KLF13: variants seen among roughly 807,000 people sequenced by gnomAD.
KLF13 encodes the protein KLF transcription factor 13.
KLF13 carries 8 observed loss-of-function variants against 16.7 expected under a neutral mutation model. That is an observed-to-expected ratio of 0.48 (90% confidence interval 0.28 to 0.87). KLF13 has a LOEUF of 0.87. KLF13 is among the 40% of genes least tolerant of loss of function. The probability of loss-of-function intolerance (pLI) is 0.10; values close to 1 mark genes in which losing one functional copy is unlikely to be tolerated. For missense variants in KLF13, 447 were observed against 452.2 expected (o/e 0.99, Z 0.10); for synonymous variants, 245 against 208.4 (o/e 1.18, Z -1.51).
chr15:31,401,750 G>A (rs1030314678), intron 2 of KLF13, among the ~76,000 whole-genome samples: 2 of 152,192 alleles, frequency 1.3e-5, no homozygotes, highest in African/African-American at 2.4e-5. Context: ...GGACCTGAAC[G>A]CAGCAGTGCA....
At chr15:31,329,814 G>T (rs2038795177) in intron 1 of KLF13, among the ~76,000 whole-genome samples, 1 of 152,196 alleles carries the variant, frequency 6.6e-6, no homozygotes, top group South Asian at 2.1e-4. Flanking sequence ...CCTACCTCCA[G>T]GGTGGAAGCC....
intron 1 of KLF13, among the ~76,000 whole-genome samples, chr15:31,421,372 A>G (rs1365287880): frequency 6.6e-6 from 1 of 152,242 alleles, no homozygotes; most frequent in Non-Finnish European, 1.5e-5. Context: ...ACAGAATTGT[A>G]TAATATTCTA....
At chr15:31,403,088 C>T (rs972394183) in intron 2 of KLF13, among the ~76,000 whole-genome samples, 3 of 152,158 alleles carry the variant, frequency 2.0e-5, no homozygotes, top group African/African-American at 7.2e-5. Flanking sequence ...CTCTACGGCT[C>T]GATTGCCAGT....
At chr15:31,328,072 C>T (rs1472607986) in intron 1 of KLF13, among the ~76,000 whole-genome samples, 7 of 149,360 alleles carry the variant, frequency 4.7e-5, no homozygotes, top group South Asian at 4.2e-4. Context: ...CGGATATAGT[C>T]ATCTGGGCTG....
chr15:31,346,594 C>T (rs971229132), intron 1 of KLF13, among the ~76,000 whole-genome samples: 1 of 152,264 alleles, frequency 6.6e-6, no homozygotes, highest in African/African-American at 2.4e-5. Flanking sequence ...TTTCTCAGGA[C>T]ATGAGGCGTC....
intron 1 of KLF13, among the ~76,000 whole-genome samples, chr15:31,331,990 G>C (rs1459726198): frequency 6.6e-6 from 1 of 152,212 alleles, no homozygotes; most frequent in Admixed American, 6.5e-5. Context: ...CCAAGATGTG[G>C]TTATATGGCT....
At chr15:31,412,387 A>G (rs1219492438) in intron 1 of KLF13, among the ~76,000 whole-genome samples, 1 of 152,192 alleles carries the variant, frequency 6.6e-6, no homozygotes, top group Non-Finnish European at 1.5e-5. Context: ...GACAAGACAT[A>G]AAATATCGTA....
chr15:31,345,583 G>C (rs1008987995), intron 1 of KLF13, among the ~76,000 whole-genome samples: 7 of 152,198 alleles, frequency 4.6e-5, no homozygotes, highest in Non-Finnish European at 7.4e-5. Flanking sequence ...TGAGTATGAG[G>C]GTGGGACGGA....
intron 1 of KLF13, among the ~76,000 whole-genome samples, chr15:31,383,675 C>T (rs1278013613): frequency 2.0e-5 from 3 of 152,198 alleles, no homozygotes; most frequent in Non-Finnish European, 4.4e-5. Flanking sequence ...CCAAGGCGGG[C>T]AGATCACGAG....
intron 1 of KLF13, among the ~76,000 whole-genome samples, chr15:31,411,868 C>CA (rs1342070252): frequency 6.6e-6 from 1 of 151,996 alleles, no homozygotes; most frequent in Non-Finnish European, 1.5e-5. Context: ...CAGGTAGGTA[C>CA]AAAAAACCAA....
intron 1 of KLF13, among the ~76,000 whole-genome samples, chr15:31,423,170 TATATACATATATAC>T (rs2040363938): frequency 4.2e-5 from 3 of 71,782 alleles, no homozygotes; most frequent in Non-Finnish European, 8.3e-5. Flanking sequence ...TATATGTATA[TATATACATATATAC>T]GTATATATAT....
intron 1 of KLF13, among the ~76,000 whole-genome samples, chr15:31,351,865 T>C (rs2039222246): frequency 6.6e-6 from 1 of 152,174 alleles, no homozygotes; most frequent in Non-Finnish European, 1.5e-5. Flanking sequence ...ATACAAAAAT[T>C]AGCTGGGTGT....
chr15:31,372,323 G>T lies in KLF13; in HGVS notation c.*24G>T, dbSNP rs768082644. On this transcript the variant is annotated 3_prime_UTR_variant, in exon 2 of 2. Coordinates refer to ENST00000307145, the MANE Select transcript of KLF13 (RefSeq NM_015995.4). ...GAGCCCGCCACAGCCATGAGCAGCC[G>T]CTCCCACCCCCTCGTGAGTCCCTGG... is the stretch of plus-strand genomic sequence containing the variant. The T allele has an allele frequency of 6.9e-7, 1 of 1,442,840 alleles. No homozygotes were observed. Among genetic ancestry groups the T allele is most frequent in the Non-Finnish European group, 9.1e-7 (1 of 1,102,192 alleles). 89.4% of individuals were successfully genotyped at this position (1,442,840 alleles called of 1,614,324 possible).
chr15:31,328,530 G>C (rs1306779234), intron 1 of KLF13, among the ~76,000 whole-genome samples: 4 of 151,844 alleles, frequency 2.6e-5, no homozygotes, highest in Non-Finnish European at 5.9e-5. Flanking sequence ...CTCCGGAAAG[G>C]AATGCCCTGG....
chr15:31,403,782 A>C (rs1218312750), exon 3 of KLF13: 4 of 152,102 alleles, frequency 2.6e-5, no homozygotes, highest in African/African-American at 9.7e-5. Flanking sequence ...TTATGTTAGG[A>C]TTTTTTCAAC....
At chr15:31,418,967 A>G (rs542540826) in intron 1 of KLF13, among the ~76,000 whole-genome samples, 1 of 152,300 alleles carries the variant, frequency 6.6e-6, no homozygotes, top group South Asian at 2.1e-4. Flanking sequence ...ATATATACAA[A>G]CATAAATAAG....
intron 1 of KLF13, among the ~76,000 whole-genome samples, chr15:31,342,643 C>G (rs1353071362): frequency 1.3e-5 from 2 of 152,218 alleles, no homozygotes; most frequent in African/African-American, 4.8e-5. Flanking sequence ...AGGCATTCCA[C>G]TTCTTGTTTA....
At chr15:31,385,290 A>G (rs1443578051) in intron 1 of KLF13, among the ~76,000 whole-genome samples, 1 of 152,232 alleles carries the variant, frequency 6.6e-6, no homozygotes, top group African/African-American at 2.4e-5. Context: ...CATGAAACCT[A>G]CATGATGAAG....
At chr15:31,412,100 A>G (rs1007212471) in intron 1 of KLF13, among the ~76,000 whole-genome samples, 1 of 152,210 alleles carries the variant, frequency 6.6e-6, no homozygotes, top group African/African-American at 2.4e-5. Context: ...GGATTAGGTC[A>G]TGAAGCTTTC....
Sources: gnomAD v4.1 joint callset for allele counts (sites outside exome capture counted in the v4.1 genomes callset) on GRCh38, gnomAD v4.1.1 for gene constraint, MANE v1.5 for transcripts, NCBI Gene and HGNC (gene_info 2026-07-23, HGNC 2026-07-21) for gene names.